Variants in CDH23 observed in about 807,000 individuals in gnomAD.
CDH23 encodes the protein cadherin related 23.
CDH23 carries 189 observed loss-of-function variants against 317.1 expected under a neutral mutation model. The ratio of observed to expected loss-of-function variants is 0.60; its 90% CI spans 0.53 to 0.67. The LOEUF (loss-of-function observed/expected upper bound fraction) is 0.67, where lower values mean the gene tolerates loss of function less well. Among genes scored for constraint, CDH23 ranks in the 30% least tolerant of loss-of-function variants. The probability of loss-of-function intolerance (pLI) is 0.00; values close to 1 mark genes in which losing one functional copy is unlikely to be tolerated. For synonymous variants in CDH23, 1,839 were observed against 1,876.8 expected (o/e 0.98, Z 0.52); for missense variants, 4,401 against 4,592.4 (o/e 0.96, Z 1.20).
intron 38 of CDH23, 35 bp downstream of exon 38, chr10:71,741,956 T>C: frequency 6.6e-7 from 1 of 1,520,058 alleles, no homozygotes; most frequent in Non-Finnish European, 8.9e-7. Context: ...GAGGAGCGGG[T>C]GGGCCAGGGC....
intron 38 of CDH23, chr10:71,752,203 T>C: frequency 2.3e-6 from 1 of 433,784 alleles, no homozygotes; most frequent in African/African-American, 2.0e-5. Context: ...TTCTCTTTGG[T>C]CAATAGAGTT....
At chr10:71,531,421 A>T (rs1357676981) in intron 6 of CDH23, among the ~76,000 whole-genome samples, 1 of 152,180 alleles carries the variant, frequency 6.6e-6, no homozygotes, top group East Asian at 1.9e-4. Flanking sequence ...GTCTCTAAAA[A>T]TATTGTATTT....
In CDH23 at chr10:71,679,410, C is replaced by T. The variant is rs748932727; in HGVS notation, c.1776C>T (p.Pro592=). The stretch of plus-strand genomic sequence containing the variant: ...AGGCAACAGATGAAGACTCCCCTCC[C>T]AACAACCAGATCACCTACAGCATTG... ...RLRATDEDSP[P]NNQITYSIVS... Residue 592 remains proline (P), a synonymous_variant, in exon 17 of 70, where the codon CCC becomes CCT. Transcript: ENST00000224721. The T allele has an allele frequency of 6.2e-7, 1 of 1,613,788 alleles. No homozygotes were observed. Among genetic ancestry groups the T allele is most frequent in the Non-Finnish European group, 8.5e-7 (1 of 1,179,786 alleles).
intron 6 of CDH23, among the ~76,000 whole-genome samples, chr10:71,563,560 A>G (rs1857236803): frequency 6.6e-6 from 1 of 152,090 alleles, no homozygotes. Context: ...AACTGTTTAC[A>G]CTATTTCTAA....
At chr10:71,461,490 G>A (rs1850981886) in intron 3 of CDH23, among the ~76,000 whole-genome samples, 1 of 152,264 alleles carries the variant, frequency 6.6e-6, no homozygotes, top group Non-Finnish European at 1.5e-5. Context: ...AGGGACAGCA[G>A]GGGCCTCCCC....
At chr10:71,741,052 C>A in intron 37 of CDH23, 102 bp downstream of exon 37, 1 of 1,352,710 alleles carries the variant, frequency 7.4e-7, no homozygotes. Context: ...GCCCACTGGT[C>A]CCTCAGATCT....
At chr10:71,431,983 C>A (rs1849392058) in intron 1 of CDH23, among the ~76,000 whole-genome samples, 1 of 152,232 alleles carries the variant, frequency 6.6e-6, no homozygotes, top group South Asian at 2.1e-4. Flanking sequence ...GTCTAGGACA[C>A]CAGGCTTCAA....
chr10:71,468,442 T>A (rs1432189810), intron 3 of CDH23, among the ~76,000 whole-genome samples: 1 of 152,222 alleles, frequency 6.6e-6, no homozygotes, highest in Admixed American at 6.5e-5. Context: ...CCAGGCCATC[T>A]GTACTAGCAT....
At chr10:71,674,099 G>T (rs1036846595) in intron 14 of CDH23, among the ~76,000 whole-genome samples, 2 of 152,126 alleles carry the variant, frequency 1.3e-5, no homozygotes, top group African/African-American at 4.8e-5. Flanking sequence ...CCCCAGAAAT[G>T]GCATCTTTCT....
Position 71,803,195 on chromosome 10 carries a change from G to T in CDH23, c.7661-14G>T. 6.2e-7 allele frequency: 1 copy of T among 1,609,386 alleles called. No individual in the cohort carries two copies. Among genetic ancestry groups the T allele is most frequent in the East Asian group, 2.2e-5 (1 of 44,736 alleles). ...ATGTCTCAACCAGAGCTACTCTCCT[G>T]CTCCCACTGCCAGAGGCCTTCCATG... On this transcript the variant is annotated splice_polypyrimidine_tract_variant and intron_variant, in intron 54 of 69. Coordinates refer to ENST00000224721, the MANE Select transcript of CDH23 (RefSeq NM_022124.6).
chr10:71,615,413 G>T (rs1861124694), intron 9 of CDH23, 91 bp from the exon 10 acceptor site: 1 of 808,262 alleles, frequency 1.2e-6, no homozygotes, highest in Non-Finnish European at 2.1e-6. Context: ...CCAGAGAGGA[G>T]CCCTGGCCCC....
intron 12 of CDH23, among the ~76,000 whole-genome samples, chr10:71,645,378 C>T (rs1181682009): frequency 6.6e-6 from 1 of 152,230 alleles, no homozygotes; most frequent in Non-Finnish European, 1.5e-5. Flanking sequence ...ACAGCATCTG[C>T]ATCCCTTGTG....
Position 71,809,950 on chromosome 10 carries a change from G to A in CDH23, c.8853G>A (p.Leu2951=). Residue 2951 remains leucine, a synonymous_variant, in exon 61 of 70, where the codon CTG becomes CTA. Coordinates refer to ENST00000224721, the MANE Select transcript of CDH23 (RefSeq NM_022124.6). ...CGGCCATCATCGGCATCTACATCCT[G>A]AGGGACGACCAGCGCGTCAAGATCG... ...NDTAIIGIYI[L]RDDQRVKIVI... The A allele has an allele frequency of 1.2e-6, 2 of 1,612,514 alleles. No homozygotes were observed. Among genetic ancestry groups the A allele is most frequent in the South Asian group, 1.1e-5 (1 of 91,082 alleles).
intron 3 of CDH23, among the ~76,000 whole-genome samples, chr10:71,463,381 C>A (rs916735134): frequency 1.3e-5 from 2 of 152,184 alleles, no homozygotes; most frequent in African/African-American, 4.8e-5. Flanking sequence ...ACCCGGCTGC[C>A]AAGAAGTGTT....
intron 1 of CDH23, among the ~76,000 whole-genome samples, chr10:71,434,670 G>A (rs1184164889): frequency 6.6e-6 from 1 of 152,116 alleles, no homozygotes; most frequent in Non-Finnish European, 1.5e-5. Flanking sequence ...GGTGGTTAAT[G>A]TGGGCGGGGC....
intron 6 of CDH23, among the ~76,000 whole-genome samples, chr10:71,523,047 T>C (rs1365577518): frequency 6.6e-6 from 1 of 152,070 alleles, no homozygotes; most frequent in Non-Finnish European, 1.5e-5. Flanking sequence ...GAATAGACAC[T>C]CAGGGTTTGG....
intron 22 of CDH23, among the ~76,000 whole-genome samples, chr10:71,701,013 G>C (rs1442371739): frequency 6.6e-6 from 1 of 152,168 alleles, no homozygotes; most frequent in Admixed American, 6.5e-5. Context: ...ACACTGTCCT[G>C]ATGTGGCCCC....
At chr10:71,734,722 T>A in intron 34 of CDH23, 64 bp downstream of exon 34, 1 of 1,099,432 alleles carries the variant, frequency 9.1e-7, no homozygotes, top group Non-Finnish European at 1.3e-6. Flanking sequence ...GGCCGGGCTC[T>A]GCCTGGCCCT....
intron 38 of CDH23, among the ~76,000 whole-genome samples, chr10:71,765,094 G>A (rs1285566193): frequency 2.6e-5 from 4 of 152,178 alleles, no homozygotes; most frequent in African/African-American, 7.2e-5. Context: ...GCTCTCCCAC[G>A]TACTCCCAGG....
Sources: gnomAD v4.1 joint callset for allele counts (sites outside exome capture counted in the v4.1 genomes callset) on GRCh38, gnomAD v4.1.1 for gene constraint, MANE v1.5 for transcripts, NCBI Gene and HGNC (gene_info 2026-07-23, HGNC 2026-07-21) for gene names.